Variants in CCSER2 observed in about 807,000 individuals in gnomAD.
The protein encoded by CCSER2 is serine-rich coiled-coil domain-containing protein 2.
In CCSER2, 46 loss-of-function variants were observed where a neutral mutation model predicts 92.3. That is an observed-to-expected ratio of 0.50 (90% CI 0.39 to 0.64). The LOEUF is 0.64. Ranked by LOEUF, CCSER2 falls within the 30% of genes least tolerant of loss-of-function variation. The pLI is 0.00. For missense variants in CCSER2, 1,244 were observed against 1,238.9 expected (o/e 1.00, Z -0.06); for synonymous variants, 433 against 431.4 (o/e 1.00, Z -0.04).
At chr10:84,417,940 G>A in intron 4 of CCSER2, 79 bp downstream of exon 4, 1 of 762,278 alleles carries the variant, frequency 1.3e-6, no homozygotes, top group Non-Finnish European at 2.4e-6. Flanking sequence ...TTTGTTACTT[G>A]CAGACTTCTT....
In CCSER2 at chr10:84,441,736, G is replaced by GTTTTTTTTTTTTTTTTT. The variant is rs869280119; in HGVS notation, c.2064+3053_2064+3069dup. On this transcript the variant is annotated intron_variant, in intron 6 of 9. Transcript: ENST00000372088. The stretch of plus-strand genomic sequence containing the variant: ...GAATAAAGTAGAAGACTGGGAAAAT[G>GTTTTTTTTTTTTTTTTT]TTTTTTTTTTTTTTTTTTTTTTTTT... Among the ~76,000 whole-genome samples the GTTTTTTTTTTTTTTTTT allele has an allele frequency of 2.3e-4, 10 of 43,640 alleles. 1 individual carries two copies. Among genetic ancestry groups the GTTTTTTTTTTTTTTTTT allele is most frequent in the Non-Finnish European group, 3.4e-4 (7 of 20,858 alleles). 28.6% of individuals were successfully genotyped at this position (43,640 alleles called of 152,430 possible).
rs1446049227 is a variant in CCSER2, at chr10:84,372,413, A to G, written c.1361A>G (p.Lys454Arg). 6.3e-7 allele frequency: 1 copy of G among 1,591,584 alleles called. No homozygotes were observed. Among genetic ancestry groups the G allele is most frequent in the African/African-American group, 1.4e-5 (1 of 73,310 alleles). ...GPPQDMFDSP[K>R]ENEKAFSKTD... ...CCACAGGATATGTTTGATTCCCCCA[A>G]GGAAAATGAAAAAGCCTTCAGTAAA... is the stretch of plus-strand genomic sequence containing the variant. Residue 454 changes from lysine to arginine, a missense_variant, in exon 2 of 10, where the codon AAG (lysine) becomes AGG (arginine). Physicochemically the swap from Lys to Arg is conservative, Grantham distance 26. Transcript: ENST00000372088.
At chr10:84,467,880 T>G (rs1589748544) in intron 7 of CCSER2, among the ~76,000 whole-genome samples, 1 of 152,142 alleles carries the variant, frequency 6.6e-6, no homozygotes, top group African/African-American at 2.4e-5. Context: ...TCATCTATAT[T>G]ATCACTCTCT....
chr10:84,463,414 A>C (rs1846216804), intron 6 of CCSER2, among the ~76,000 whole-genome samples: 1 of 152,096 alleles, frequency 6.6e-6, no homozygotes, highest in Non-Finnish European at 1.5e-5. Flanking sequence ...CTAACACCAT[A>C]GATTAGTTTT....
In CCSER2 at chr10:84,517,041, G is replaced by C. The variant is rs971797289; in HGVS notation, c.*2774G>C. The C allele has an allele frequency of 2.0e-5, 3 of 152,116 alleles. No homozygotes were observed. Among genetic ancestry groups the C allele is most frequent in the African/African-American group, 7.2e-5 (3 of 41,414 alleles). The allele number at this position is 152,116 out of a possible 1,614,324, so 9.4% of individuals were successfully genotyped here. A position where few individuals can be genotyped will look rare whatever the true frequency, so the allele number is the denominator to read the frequency against. ...GATCATCTTAGATTTGGCTTGATCT[G>C]TGTTTATTGCTTCTATTAATGTAAA... On this transcript the variant is annotated 3_prime_UTR_variant, in exon 10 of 10. Coordinates refer to ENST00000372088, the MANE Select transcript of CCSER2 (RefSeq NM_001284240.2).
chr10:84,376,874 C>A (rs1054575318), intron 3 of CCSER2, among the ~76,000 whole-genome samples: 1 of 151,864 alleles, frequency 6.6e-6, no homozygotes, highest in Non-Finnish European at 1.5e-5. Context: ...TGCATTTTTG[C>A]TATTTTGTGG....
At chr10:84,430,069 T>C (rs1049267487) in intron 5 of CCSER2, among the ~76,000 whole-genome samples, 5 of 152,090 alleles carry the variant, frequency 3.3e-5, no homozygotes, top group African/African-American at 2.4e-5. Flanking sequence ...GGAGATTTCA[T>C]TGAATGCCTT....
intron 1 of CCSER2, among the ~76,000 whole-genome samples, chr10:84,332,103 C>T (rs988506829): frequency 6.6e-6 from 1 of 152,102 alleles, no homozygotes; most frequent in Admixed American, 6.6e-5. Flanking sequence ...GATTTACAGA[C>T]TCCAGTAGAG....
chr10:84,439,127 T>A (rs2133514236), intron 6 of CCSER2, among the ~76,000 whole-genome samples: 1 of 151,858 alleles, frequency 6.6e-6, no homozygotes, highest in East Asian at 1.9e-4. Context: ...CTTTACATAA[T>A]GATAGTCATA....
intron 5 of CCSER2, among the ~76,000 whole-genome samples, chr10:84,427,599 G>C (rs1483655149): frequency 6.6e-6 from 1 of 152,132 alleles, no homozygotes; most frequent in Non-Finnish European, 1.5e-5. Flanking sequence ...CGTAACTCAG[G>C]GGTGTTGGGA....
At chr10:84,404,966 C>T (rs139297601) in intron 3 of CCSER2, among the ~76,000 whole-genome samples, 1 of 152,270 alleles carries the variant, frequency 6.6e-6, no homozygotes, top group Non-Finnish European at 1.5e-5. Context: ...GTAGTGAAGA[C>T]ATCACTCCAT....
chr10:84,337,801 G>C (rs1032806217), intron 1 of CCSER2, among the ~76,000 whole-genome samples: 1 of 152,082 alleles, frequency 6.6e-6, no homozygotes, highest in African/African-American at 2.4e-5. Context: ...TGAGGGCTTC[G>C]GTATTTAAAT....
rs1180456532 is a variant in CCSER2, at chr10:84,425,884, A to G, written c.1859A>G (p.Asp620Gly). 6.3e-7 allele frequency: 1 copy of G among 1,599,542 alleles called. No homozygotes were observed. Among genetic ancestry groups the G allele is most frequent in the Non-Finnish European group, 8.5e-7 (1 of 1,171,588 alleles). The change falls in exon 5 of 10, where the codon GAC becomes GGC. Residue 620 changes from aspartate to glycine, a missense_variant. Physicochemically the swap from Asp to Gly is moderately conservative, Grantham distance 94. Transcript: ENST00000372088. ...PDHYHHHGKS[D>G]LSRGSPYRES... ...CACTATCATCACCATGGAAAAAGTGACTTGAGCAGGTAAGTACTGTTCTGA... is the reference window on the plus strand; with the variant it reads ...CACTATCATCACCATGGAAAAAGTGGCTTGAGCAGGTAAGTACTGTTCTGA...
At chr10:84,369,148 T>G (rs1177791036) in intron 1 of CCSER2, among the ~76,000 whole-genome samples, 4 of 152,040 alleles carry the variant, frequency 2.6e-5, no homozygotes, top group Admixed American at 6.6e-5. Context: ...ATGCAGGTTT[T>G]TTTTTTTTTT....
chr10:84,391,539 T>A, intron 3 of CCSER2: 2 of 1,500,986 alleles, frequency 1.3e-6, no homozygotes, highest in Non-Finnish European at 1.9e-6. Context: ...CCAGAATTCA[T>A]TTCAGTCTGC....
chr10:84,446,262 G>C (rs1844909362), intron 6 of CCSER2, among the ~76,000 whole-genome samples: 1 of 152,162 alleles, frequency 6.6e-6, no homozygotes, highest in South Asian at 2.1e-4. Context: ...CAGGATGCTT[G>C]TTTTGGGGAT....
Position 84,437,343 on chromosome 10 carries a change from A to AC in CCSER2, c.1869-1164dup, listed in dbSNP as rs777641142. ...AGACCAGCCTGGCCAACATGGTGAA[A>AC]CCCCCTCTCTACAAAAATACAAAAA... On this transcript the variant is annotated intron_variant, in intron 5 of 9. Coordinates refer to ENST00000372088, the MANE Select transcript of CCSER2 (RefSeq NM_001284240.2). 1.3e-5 allele frequency among the ~76,000 whole-genome samples: 2 copies of AC among 151,986 alleles called. 1 individual carries two copies. Among genetic ancestry groups the AC allele is most frequent in the South Asian group, 4.2e-4 (2 of 4,802 alleles).
intron 5 of CCSER2, among the ~76,000 whole-genome samples, chr10:84,435,654 AAAC>A (rs1248230081): frequency 8.9e-5 from 13 of 145,866 alleles, no homozygotes; most frequent in Non-Finnish European, 4.5e-5. Context: ...AAAAAAAAAA[AAAC>A]AAGAACAACA....
At chr10:84,477,296 G>T (rs905533482) in intron 8 of CCSER2, among the ~76,000 whole-genome samples, 2 of 152,082 alleles carry the variant, frequency 1.3e-5, no homozygotes. Flanking sequence ...AATAAGATGA[G>T]AGACCACTGA....
Sources: allele counts gnomAD v4.1 joint callset (sites outside exome capture counted in the v4.1 genomes callset), GRCh38; gene constraint gnomAD v4.1.1; transcripts MANE v1.5; gene names NCBI Gene and HGNC (gene_info 2026-07-23, HGNC 2026-07-21).